The following DDAH1 variants were observed in gnomAD, a reference collection of about 807,000 sequenced individuals.
The protein encoded by DDAH1 is dimethylarginine dimethylaminohydrolase 1, also known as N(G),N(G)-dimethylarginine dimethylaminohydrolase 1.
DDAH1 carries 19 observed loss-of-function variants against 28.8 expected under a neutral mutation model. The ratio of observed to expected loss-of-function variants is 0.66; its 90% CI spans 0.46 to 0.97. The LOEUF is 0.97. DDAH1 is among the 50% of genes least tolerant of loss of function. The pLI, the probability that DDAH1 is intolerant of heterozygous loss-of-function variation, is 0.00. For synonymous variants in DDAH1, 153 were observed against 154.4 expected (o/e 0.99, Z 0.07); for missense variants, 326 against 375.9 (o/e 0.87, Z 1.10).
intron 1 of DDAH1, among the ~76,000 whole-genome samples, chr1:85,524,469 T>C (rs1657794527): frequency 6.6e-6 from 1 of 151,486 alleles, no homozygotes; most frequent in African/African-American, 2.4e-5. Flanking sequence ...GGTATAAGCC[T>C]ATCTTAAAGG....
rs374819887 is a variant in DDAH1, at chr1:85,321,577, G to C, written c.742-9C>G. The C allele has an allele frequency of 1.3e-6, 2 of 1,582,552 alleles. No individual in the cohort carries two copies. Among genetic ancestry groups the C allele is most frequent in the South Asian group, 2.2e-5 (2 of 90,294 alleles). On this transcript the variant is annotated splice_polypyrimidine_tract_variant and intron_variant, in intron 5 of 5. Coordinates refer to ENST00000284031, the MANE Select transcript of DDAH1 (RefSeq NM_012137.4). ...TTCAGTTTCTCATAAACCTACAGTG[G>C]GAATCAAGGAAAAGGAAGAAAAGAA...
At chr1:85,566,857 A>C (rs1470904060) in intron 1 of DDAH1, among the ~76,000 whole-genome samples, 3 of 152,106 alleles carry the variant, frequency 2.0e-5, no homozygotes, top group African/African-American at 4.8e-5. Flanking sequence ...GGCTTATGTG[A>C]GTATGGAGGC....
intron 2 of DDAH1, among the ~76,000 whole-genome samples, chr1:85,473,755 C>G (rs139255577): frequency 4.6e-5 from 7 of 152,306 alleles, no homozygotes; most frequent in African/African-American, 1.7e-4. Context: ...TGCTTCTACT[C>G]CATTGCTTTT....
At position 85,332,563 on chromosome 1, in the gene DDAH1, C is replaced by T. The variant is rs547821630; in HGVS notation, c.598-7680G>A. 5.5e-4 allele frequency among the ~76,000 whole-genome samples: 83 copies of T among 152,244 alleles called. 1 individual carries two copies. Among genetic ancestry groups the T allele is most frequent in the Middle Eastern group, 3.4e-3 (1 of 294 alleles). On this transcript the variant is annotated intron_variant, in intron 4 of 5. Coordinates refer to ENST00000284031, the MANE Select transcript of DDAH1 (RefSeq NM_012137.4). Reference sequence around the variant, plus strand: ...GTTCACCACAGCCTGGGCCCATGGGCCCCATGGGGGGCCTGAGAATAGGCC... The same window carrying T: ...GTTCACCACAGCCTGGGCCCATGGGTCCCATGGGGGGCCTGAGAATAGGCC...
intron 1 of DDAH1, among the ~76,000 whole-genome samples, chr1:85,530,063 T>C (rs1415144575): frequency 9.3e-6 from 1 of 107,976 alleles, no homozygotes; most frequent in Non-Finnish European, 2.3e-5. Flanking sequence ...GAGCTGGTGG[T>C]ACCCAGGGTC....
At chr1:85,456,999 G>T (rs1654914783) in intron 1 of DDAH1, among the ~76,000 whole-genome samples, 1 of 152,164 alleles carries the variant, frequency 6.6e-6, no homozygotes, top group African/African-American at 2.4e-5. Flanking sequence ...CCTAGAAGGG[G>T]TTCCAGACCA....
intron 5 of DDAH1, among the ~76,000 whole-genome samples, chr1:85,323,228 C>T (rs1001137304): frequency 1.3e-5 from 2 of 151,652 alleles, no homozygotes; most frequent in Admixed American, 6.6e-5. Flanking sequence ...CTAATATTTG[C>T]GAAGCTTAAG....
intron 4 of DDAH1, among the ~76,000 whole-genome samples, chr1:85,339,019 C>A (rs1197750491): frequency 2.0e-5 from 3 of 149,418 alleles, no homozygotes; most frequent in Non-Finnish European, 4.4e-5. Context: ...TGTACTCCAG[C>A]CTGGGAGACA....
chr1:85,357,719 A>G (rs1649563729), intron 2 of DDAH1, among the ~76,000 whole-genome samples: 1 of 152,208 alleles, frequency 6.6e-6, no homozygotes, highest in Non-Finnish European at 1.5e-5. Flanking sequence ...CATGTCTGGG[A>G]AAATAAATTC....
At chr1:85,463,035 T>C (rs1036666498) in intron 1 of DDAH1, among the ~76,000 whole-genome samples, 1 of 152,234 alleles carries the variant, frequency 6.6e-6, no homozygotes, top group Non-Finnish European at 1.5e-5. Flanking sequence ...GTCCACTGTA[T>C]AGATGCGAAA....
chr1:85,417,806 A>G (rs1464666604), intron 1 of DDAH1, among the ~76,000 whole-genome samples: 1 of 152,236 alleles, frequency 6.6e-6, no homozygotes, highest in Non-Finnish European at 1.5e-5. Flanking sequence ...AATTTAGAAA[A>G]TCAACTGCAA....
intron 1 of DDAH1, among the ~76,000 whole-genome samples, chr1:85,577,763 C>T (rs1226491214): frequency 3.3e-5 from 5 of 152,048 alleles, no homozygotes; most frequent in Non-Finnish European, 5.9e-5. Context: ...CATTAGGTAA[C>T]CTAAAATTCC....
intron 1 of DDAH1, among the ~76,000 whole-genome samples, chr1:85,429,849 T>C (rs1010747402): frequency 2.6e-5 from 4 of 152,194 alleles, no homozygotes; most frequent in Non-Finnish European, 5.9e-5. Context: ...CACTTTTTGA[T>C]GGGTTTGTTT....
intron 1 of DDAH1, among the ~76,000 whole-genome samples, chr1:85,462,240 C>T (rs1655154451): frequency 6.6e-6 from 1 of 152,146 alleles, no homozygotes; most frequent in African/African-American, 2.4e-5. Flanking sequence ...GAAAGAACCT[C>T]GCTCGATCCA....
chr1:85,350,316 C>T (rs1037556754), intron 4 of DDAH1, 99 bp downstream of exon 4: 9 of 1,492,030 alleles, frequency 6.0e-6, no homozygotes, highest in Middle Eastern at 4.5e-4. Flanking sequence ...TGTTCTCTCC[C>T]TGCCAACCCT....
chr1:85,420,345 C>T (rs1477909284), intron 1 of DDAH1, among the ~76,000 whole-genome samples: 2 of 152,200 alleles, frequency 1.3e-5, no homozygotes, highest in Admixed American at 1.3e-4. Flanking sequence ...GCAAATTTTC[C>T]AAACTCTTAC....
At chr1:85,384,021 T>A (rs1262681466) in intron 1 of DDAH1, among the ~76,000 whole-genome samples, 1 of 152,158 alleles carries the variant, frequency 6.6e-6, no homozygotes, top group African/African-American at 2.4e-5. Context: ...TCTGAGGTAT[T>A]CCTGTATTTG....
intron 1 of DDAH1, among the ~76,000 whole-genome samples, chr1:85,575,233 AAAAAC>A (rs527513039): frequency 1.5e-3 from 233 of 152,252 alleles, no homozygotes; most frequent in African/African-American, 4.4e-3. Context: ...CATGTTACAA[AAAAAC>A]AAAACAAAAC....
At chr1:85,449,856 C>T (rs575045052) in intron 1 of DDAH1, among the ~76,000 whole-genome samples, 2 of 152,208 alleles carry the variant, frequency 1.3e-5, no homozygotes, top group East Asian at 3.9e-4. Flanking sequence ...AGGTAGACTA[C>T]AGGGTCAAGA....
Sources: gnomAD v4.1 joint callset for allele counts (sites outside exome capture counted in the v4.1 genomes callset) on GRCh38, gnomAD v4.1.1 for gene constraint, MANE v1.5 for transcripts, NCBI Gene and HGNC (gene_info 2026-07-23, HGNC 2026-07-21) for gene names.